CDK8: variants seen among roughly 807,000 people sequenced by gnomAD.
The protein encoded by CDK8 is cyclin dependent kinase 8, also known as cyclin-dependent kinase 8.
In CDK8, 29 loss-of-function variants were observed where a neutral mutation model predicts 71.5. The observed-to-expected ratio is 0.41, with a 90% CI of 0.30 to 0.55. CDK8 has a LOEUF of 0.55. CDK8 is among the 20% of genes least tolerant of loss of function. The probability of loss-of-function intolerance (pLI) is 0.37; values close to 1 mark genes in which losing one functional copy is unlikely to be tolerated. For missense variants in CDK8, 288 were observed against 572.6 expected, an observed-to-expected ratio of 0.50 and a Z score of 5.07; for synonymous variants, 161 against 192.1, an observed-to-expected ratio of 0.84 and a Z score of 1.34.
chr13:26,355,808 C>T (rs1873871864), intron 4 of CDK8, among the ~76,000 whole-genome samples: 1 of 151,778 alleles, frequency 6.6e-6, no homozygotes, highest in African/African-American at 2.4e-5. Flanking sequence ...CATTTTTTTC[C>T]CCGTAGAGTC....
At position 26,352,772 on chromosome 13, in the gene CDK8, A is replaced by T. The variant is rs73160333; in HGVS notation, c.316-968A>T. 4.9e-3 allele frequency among the ~76,000 whole-genome samples: 748 copies of T among 152,312 alleles called. 6 individuals carry two copies. Among genetic ancestry groups the T allele is most frequent in the Non-Finnish European group, 7.8e-3 (533 of 68,026 alleles). The stretch of plus-strand genomic sequence containing the variant: ...TATATATTTTTACCTTGGAGAGTAA[A>T]GCTCCTTTATTCATTAATCATTAGT... On this transcript the variant is annotated intron_variant, in intron 3 of 12. Transcript: ENST00000381527.
rs551747409 is a variant in CDK8 at position 26,381,968 on chromosome 13, T to C, written c.457-846T>C. ...GAGGTGTTCAATCTAGTTTCACTTT[T>C]ATTTAGCAGACTGGTAGAATTCAAG... is the stretch of plus-strand genomic sequence containing the variant. On this transcript the variant is annotated intron_variant, in intron 4 of 12. Transcript: ENST00000381527. Among the ~76,000 whole-genome samples, 20 of 152,318 alleles carry C rather than the reference T, an allele frequency of 1.3e-4. No individual in the cohort carries two copies. The South Asian group carries it at 2.9e-3, about 22-fold the overall frequency.
At chr13:26,301,766 C>T (rs1479467344) in intron 1 of CDK8, among the ~76,000 whole-genome samples, 1 of 152,162 alleles carries the variant, frequency 6.6e-6, no homozygotes, top group African/African-American at 2.4e-5. Context: ...ATTCCAATTC[C>T]CTTCCTTGAT....
rs149688638 is a variant in CDK8 at position 26,400,194 on chromosome 13, A to G, written c.934-259A>G. ...TTCTAAATTGGATAAAGCCATTTAGATAATGGGGGTGGGGATCCATTTGTT... is the reference window on the plus strand; with the variant it reads ...TTCTAAATTGGATAAAGCCATTTAGGTAATGGGGGTGGGGATCCATTTGTT... On this transcript the variant is annotated intron_variant, in intron 9 of 12. Transcript: ENST00000381527. 5.0e-4 allele frequency: 195 copies of G among 392,640 alleles called. No homozygotes were observed. In the Middle Eastern group the frequency reaches 0.01, roughly 21 times the overall value. The allele number at this position is 392,640 out of a possible 1,614,324, so 24.3% of individuals were successfully genotyped here.
intron 2 of CDK8, among the ~76,000 whole-genome samples, chr13:26,339,324 T>C (rs1171345199): frequency 6.6e-6 from 1 of 152,088 alleles, no homozygotes; most frequent in Non-Finnish European, 1.5e-5. Flanking sequence ...CCCCCTCCCA[T>C]GTGAATGTAC....
At chr13:26,285,688 GACAAAGTCAA>G (rs1369550865) in intron 1 of CDK8, among the ~76,000 whole-genome samples, 1 of 152,294 alleles carries the variant, frequency 6.6e-6, no homozygotes, top group African/African-American at 2.4e-5. Flanking sequence ...CATTGGTAAA[GACAAAGTCAA>G]ACTGTCACTG....
chr13:26,356,781 CA>C (rs1447109395), intron 4 of CDK8, among the ~76,000 whole-genome samples: 3 of 152,170 alleles, frequency 2.0e-5, no homozygotes, highest in African/African-American at 4.8e-5. Context: ...CATTTTTTCT[CA>C]AATATTTGTT....
At chr13:26,339,922 C>T (rs891795828) in intron 2 of CDK8, among the ~76,000 whole-genome samples, 8 of 150,948 alleles carry the variant, frequency 5.3e-5, no homozygotes, top group South Asian at 4.2e-4. Context: ...TTTTCTTTAC[C>T]GAGCTGGTTA....
Position 26,254,603 on chromosome 13 carries a change from G to GCCCCCC in CDK8, c.-38_-33dup. 2 of 1,454,174 alleles carry GCCCCCC rather than the reference G, an allele frequency of 1.4e-6. No homozygotes were observed. The highest frequency in any genetic ancestry group is 1.9e-6 in the Non-Finnish European group (2 of 1,067,022). The allele number at this position is 1,454,174 out of a possible 1,614,324, so 90.1% of individuals were successfully genotyped here. On this transcript the variant is annotated 5_prime_UTR_variant, in exon 1 of 13. Transcript: ENST00000381527. The surrounding 1 kb of genome is among the most constrained non-coding windows in gnomAD (Gnocchi z 6.7). ...CCCCGGTCCCCACCCCTGCCCCCCG[G>GCCCCCC]CCCCCCGACCCAGCTCTCCGGCCTC...
At chr13:26,387,485 G>T (rs1014191976) in intron 6 of CDK8, among the ~76,000 whole-genome samples, 3 of 152,174 alleles carry the variant, frequency 2.0e-5, no homozygotes, top group African/African-American at 4.8e-5. Context: ...GAAGGCGCAG[G>T]TCTTTCCTCT....
At chr13:26,323,909 G>C (rs950549920) in intron 1 of CDK8, among the ~76,000 whole-genome samples, 1 of 152,066 alleles carries the variant, frequency 6.6e-6, no homozygotes, top group African/African-American at 2.4e-5. Flanking sequence ...TGTATAATCA[G>C]CAGAGGCATT....
At chr13:26,321,775 C>G (rs1052897944) in intron 1 of CDK8, among the ~76,000 whole-genome samples, 1 of 151,764 alleles carries the variant, frequency 6.6e-6, no homozygotes, top group Non-Finnish European at 1.5e-5. Context: ...CTTTATGTAG[C>G]TTTATGTCTG....
chr13:26,382,205 A>T (rs1462069963), intron 4 of CDK8, among the ~76,000 whole-genome samples: 1 of 152,228 alleles, frequency 6.6e-6, no homozygotes, highest in African/African-American at 2.4e-5. Flanking sequence ...TTAAAGATTT[A>T]AAAACTGAAA....
chr13:26,323,057 G>A (rs559447897), intron 1 of CDK8, among the ~76,000 whole-genome samples: 4 of 152,140 alleles, frequency 2.6e-5, no homozygotes, highest in East Asian at 1.9e-4. Context: ...AATACTGCTC[G>A]ATGCATGGCA....
chr13:26,276,194 C>T (rs1265029548), intron 1 of CDK8, among the ~76,000 whole-genome samples: 1 of 152,126 alleles, frequency 6.6e-6, no homozygotes, highest in African/African-American at 2.4e-5. Context: ...TACATTCTTA[C>T]TGGCAGTGTT....
chr13:26,379,516 C>T (rs1287665716), intron 4 of CDK8, among the ~76,000 whole-genome samples: 2 of 152,142 alleles, frequency 1.3e-5, no homozygotes, highest in African/African-American at 4.8e-5. Flanking sequence ...TTTTCCCCTT[C>T]TTCAAGTGCC....
chr13:26,367,901 G>T (rs1443606250), intron 4 of CDK8, among the ~76,000 whole-genome samples: 1 of 152,166 alleles, frequency 6.6e-6, no homozygotes, highest in Non-Finnish European at 1.5e-5. Context: ...AGAGTCAACT[G>T]TAGTGCTTAT....
intron 4 of CDK8, among the ~76,000 whole-genome samples, chr13:26,366,376 A>G (rs1443228151): frequency 6.6e-6 from 1 of 152,130 alleles, no homozygotes; most frequent in East Asian, 1.9e-4. Context: ...ATCAACATAC[A>G]ATATTTTTTT....
intron 1 of CDK8, among the ~76,000 whole-genome samples, chr13:26,324,055 A>G (rs1205103032): frequency 2.6e-5 from 4 of 152,184 alleles, no homozygotes; most frequent in Admixed American, 2.0e-4. Flanking sequence ...ACCAATTTAA[A>G]TGAGAACCAT....
Sources: gnomAD v4.1 joint callset for allele counts (sites outside exome capture counted in the v4.1 genomes callset) on GRCh38, gnomAD v4.1.1 for gene constraint, Gnocchi (gnomAD v3.1) non-coding constraint, MANE v1.5 for transcripts, NCBI Gene and HGNC (gene_info 2026-07-23, HGNC 2026-07-21) for gene names.